SLCO1B3: variants seen among roughly 807,000 people sequenced by gnomAD.
SLCO1B3 encodes the protein liver-specific organic anion transporter 2.
A neutral mutation model predicts 71.8 loss-of-function variants in SLCO1B3; 72 were observed. The ratio of observed to expected loss-of-function variants is 1.00; its 90% CI spans 0.83 to 1.22. The LOEUF (loss-of-function observed/expected upper bound fraction) is 1.22, where lower values mean the gene tolerates loss of function less well. Among genes scored for constraint, SLCO1B3 ranks in the 50% most tolerant of loss-of-function variants. SLCO1B3 has a pLI of 0.00. For missense variants in SLCO1B3, 911 were observed against 819.7 expected (o/e 1.11, Z -1.36); for synonymous variants, 298 against 278.4 (o/e 1.07, Z -0.70).
At chr12:20,853,181 G>T (rs1304539) in intron 3 of SLCO1B3, among the ~76,000 whole-genome samples, 115,481 of 151,894 alleles carry the variant, frequency 0.76, 45,369 homozygotes, top group South Asian at 0.92. Flanking sequence ...ACATTTAGGA[G>T]TTTTGTATCA....
At chr12:20,867,336 A>G (rs1444300331) in intron 8 of SLCO1B3, among the ~76,000 whole-genome samples, 3 of 152,218 alleles carry the variant, frequency 2.0e-5, no homozygotes, top group African/African-American at 7.2e-5. Context: ...CAAACAGGAA[A>G]CAAATTTCTA....
At chr12:20,867,342 T>G (rs1269854211) in intron 8 of SLCO1B3, among the ~76,000 whole-genome samples, 1 of 152,096 alleles carries the variant, frequency 6.6e-6, no homozygotes, top group African/African-American at 2.4e-5. Flanking sequence ...GGAAACAAAT[T>G]TCTACTGGAG....
At position 20,877,870 on chromosome 12, in the gene SLCO1B3, A is replaced by C; in HGVS notation, c.1069A>C (p.Thr357Pro). ...AGTAAGCAGCTTTATTGGTTCTTTT[A>C]CTTACGTCTTTAAATATATGGAGCA... ...LQVSSFIGSF[T>P]YVFKYMEQQY... The change falls in exon 10 of 16, where the codon ACT becomes CCT. Residue 357 changes from threonine to proline, a missense_variant. Coordinates refer to ENST00000381545, the MANE Select transcript of SLCO1B3 (RefSeq NM_019844.4). 3 of 1,592,552 alleles carry C rather than the reference A, an allele frequency of 1.9e-6. No individual in the cohort carries two copies. Among genetic ancestry groups the C allele is most frequent in the Non-Finnish European group, 2.6e-6 (3 of 1,170,946 alleles).
intron 3 of SLCO1B3, among the ~76,000 whole-genome samples, chr12:20,834,489 ATATT>A (rs1214747570): frequency 1.4e-5 from 2 of 147,718 alleles, no homozygotes; most frequent in South Asian, 4.2e-4. Context: ...ATTATAATAT[ATATT>A]ATGATATGTA....
chr12:20,868,310 A>G (rs1865411009), intron 8 of SLCO1B3, among the ~76,000 whole-genome samples: 1 of 151,936 alleles, frequency 6.6e-6, no homozygotes, highest in African/African-American at 2.4e-5. Context: ...CAAAAGTTAC[A>G]GACAGATTGT....
chr12:20,824,168 T>C (rs768566459), intron 3 of SLCO1B3, among the ~76,000 whole-genome samples: 157 of 152,330 alleles, frequency 1.0e-3, no homozygotes, highest in Non-Finnish European at 2.0e-3. Context: ...CTTTATTAAA[T>C]TGTTAAAGCT....
At chr12:20,890,393 A>T (rs946437684) in intron 13 of SLCO1B3, among the ~76,000 whole-genome samples, 1 of 152,042 alleles carries the variant, frequency 6.6e-6, no homozygotes, top group Non-Finnish European at 1.5e-5. Context: ...TTTGAGTTTT[A>T]AAAAAAATCA....
chr12:20,877,955 C>T lies in SLCO1B3; in HGVS notation c.1135+19C>T, dbSNP rs776387249. Reference sequence around the variant, plus strand: ...TTGTTGGGTAAGACATATTTTTTACCTGTTTGCTTGATAAATGAAACACTG... The same window carrying T: ...TTGTTGGGTAAGACATATTTTTTACTTGTTTGCTTGATAAATGAAACACTG... On this transcript the variant is annotated intron_variant, in intron 10 of 15. Transcript: ENST00000381545. 1.3e-6 allele frequency: 2 copies of T among 1,546,666 alleles called. No homozygotes were observed. The highest frequency in any genetic ancestry group is 1.4e-5 in the African/African-American group (1 of 71,660).
intron 15 of SLCO1B3, chr12:20,902,097 A>T (rs551036753): frequency 1.2e-5 from 3 of 245,332 alleles, no homozygotes; most frequent in African/African-American, 7.1e-5. Context: ...AGGAAGAATA[A>T]ATGTGTTTGT....
intron 12 of SLCO1B3, among the ~76,000 whole-genome samples, chr12:20,882,769 A>G (rs1419436271): frequency 2.0e-5 from 3 of 152,140 alleles, no homozygotes; most frequent in African/African-American, 4.8e-5. Flanking sequence ...ATGAACTTAA[A>G]TCTTTAGCCT....
chr12:20,898,325 A>C (rs932543785), intron 13 of SLCO1B3, 111 bp from the exon 14 acceptor site: 6 of 699,172 alleles, frequency 8.6e-6, no homozygotes, highest in Admixed American at 6.3e-5. Flanking sequence ...AAATTCACTT[A>C]AGAGTATTCA....
At chr12:20,823,174 C>G (rs1383005124) in intron 3 of SLCO1B3, among the ~76,000 whole-genome samples, 1 of 152,128 alleles carries the variant, frequency 6.6e-6, no homozygotes, top group Non-Finnish European at 1.5e-5. Flanking sequence ...TCAGTAGGCA[C>G]ATATGAAAAT....
chr12:20,877,485 AATG>A (rs1865604984), intron 9 of SLCO1B3, among the ~76,000 whole-genome samples: 1 of 152,122 alleles, frequency 6.6e-6, no homozygotes, highest in African/African-American at 2.4e-5. Context: ...CAGGTAGCAT[AATG>A]TCACTTGAAT....
At chr12:20,823,526 A>G (rs1864361688) in intron 3 of SLCO1B3, among the ~76,000 whole-genome samples, 2 of 152,236 alleles carry the variant, frequency 1.3e-5, no homozygotes, top group African/African-American at 2.4e-5. Context: ...ACAGAAAATC[A>G]TAGTAGGACC....
chr12:20,863,648 G>A (rs1463119635), intron 8 of SLCO1B3, among the ~76,000 whole-genome samples: 1 of 151,954 alleles, frequency 6.6e-6, no homozygotes, highest in Non-Finnish European at 1.5e-5. Context: ...CTTTTCCTCA[G>A]CAAACACACT....
chr12:20,866,069 C>G (rs1166767286), intron 8 of SLCO1B3, among the ~76,000 whole-genome samples: 1 of 152,016 alleles, frequency 6.6e-6, no homozygotes, highest in Non-Finnish European at 1.5e-5. Context: ...GTGTTTTCTG[C>G]GTATTTTTCA....
intron 15 of SLCO1B3, among the ~76,000 whole-genome samples, chr12:20,908,916 C>T (rs532652602): frequency 5.3e-5 from 8 of 152,290 alleles, no homozygotes; most frequent in Admixed American, 4.6e-4. Context: ...AGTGCAATTA[C>T]TTGATCATAT....
chr12:20,882,408 C>T (rs76331226), intron 12 of SLCO1B3, among the ~76,000 whole-genome samples: 7 of 151,846 alleles, frequency 4.6e-5, no homozygotes, highest in Non-Finnish European at 7.4e-5. Context: ...GATTTAAATT[C>T]TTTTTTTTGT....
intron 15 of SLCO1B3, among the ~76,000 whole-genome samples, chr12:20,903,393 G>A (rs1866169054): frequency 6.6e-6 from 1 of 152,176 alleles, no homozygotes; most frequent in African/African-American, 2.4e-5. Context: ...AGTAATCAAT[G>A]TATTAGTCTA....
Sources: gnomAD v4.1 joint callset for allele counts (sites outside exome capture counted in the v4.1 genomes callset) on GRCh38, gnomAD v4.1.1 for gene constraint, MANE v1.5 for transcripts, NCBI Gene and HGNC (gene_info 2026-07-23, HGNC 2026-07-21) for gene names.